The following PRKAR1A variants were observed in gnomAD, a reference collection of about 807,000 sequenced individuals.
The protein encoded by PRKAR1A is protein kinase cAMP-dependent type I regulatory subunit alpha, also known as cAMP-dependent protein kinase type I-alpha regulatory subunit.
PRKAR1A carries 3 observed loss-of-function variants against 52.0 expected under a neutral mutation model. The observed-to-expected ratio is 0.06, with a 90% confidence interval of 0.03 to 0.15. The LOEUF is 0.15. PRKAR1A is among the 10% of genes least tolerant of loss of function. The probability of loss-of-function intolerance (pLI) is 1.00; values close to 1 mark genes in which losing one functional copy is unlikely to be tolerated. For missense variants in PRKAR1A, 240 were observed against 477.4 expected (o/e 0.50, Z 4.63); for synonymous variants, 188 against 168.4 (o/e 1.12, Z -0.90).
chr17:68,522,746 T>C lies in PRKAR1A; in HGVS notation c.178-10T>C. ...AGGATCTCATTTTGCAAACTCGTAA[T>C]TTCTTTCAGGAGGAGGCAAAACAGA... On this transcript the variant is annotated splice_polypyrimidine_tract_variant and intron_variant, in intron 2 of 10. Coordinates refer to ENST00000589228, the MANE Select transcript of PRKAR1A (RefSeq NM_002734.5). 1 of 1,614,030 alleles carries C rather than the reference T, an allele frequency of 6.2e-7. No homozygotes were observed. Among genetic ancestry groups the C allele is most frequent in the East Asian group, 2.2e-5 (1 of 44,882 alleles).
At chr17:68,435,565 C>T in the PRKAR1A span, 142 of 1,550,828 alleles carry the variant, frequency 9.2e-5, no homozygotes, top group African/African-American at 1.4e-3. Flanking sequence ...TCCCTGCGCA[C>T]GGCAGGAGCC....
At chr17:68,434,291 T>G in the PRKAR1A span, among the ~76,000 whole-genome samples, 5 of 152,172 alleles carry the variant, frequency 3.3e-5, no homozygotes, top group Non-Finnish European at 5.9e-5. Context: ...ACTCCCTGGC[T>G]CTCTCATTTC....
chr17:68,489,847 C>T, the PRKAR1A span, among the ~76,000 whole-genome samples: 2 of 152,174 alleles, frequency 1.3e-5, no homozygotes, highest in African/African-American at 2.4e-5. Flanking sequence ...TGAGGCACCA[C>T]GCCTGGCTGG....
the PRKAR1A span, among the ~76,000 whole-genome samples, chr17:68,426,733 C>T: frequency 6.6e-6 from 1 of 152,102 alleles, no homozygotes; most frequent in Non-Finnish European, 1.5e-5. Flanking sequence ...TGGGGTTTCA[C>T]CATGTTGGCT....
the PRKAR1A span, chr17:68,413,985 C>T: frequency 2.3e-4 from 36 of 155,090 alleles, 1 homozygote; most frequent in Non-Finnish European, 4.7e-4. Flanking sequence ...GCGCACGGTG[C>T]GCGCACCCAC....
chr17:68,454,436 A>C, the PRKAR1A span, among the ~76,000 whole-genome samples: 1 of 152,298 alleles, frequency 6.6e-6, no homozygotes, highest in South Asian at 2.1e-4. Context: ...CTACCCAGAC[A>C]TTTGTTCTTC....
At chr17:68,536,081 G>C (rs1216557178), downstream of PRKAR1A, 1 of 454,006 alleles carries the variant, frequency 2.2e-6, no homozygotes, top group Non-Finnish European at 4.4e-6. Flanking sequence ...ATTTTAGAGA[G>C]ACACAAAGTC....
chr17:68,431,600 G>C, the PRKAR1A span, among the ~76,000 whole-genome samples: 1 of 148,970 alleles, frequency 6.7e-6, no homozygotes, highest in African/African-American at 2.5e-5. Flanking sequence ...AGATGATATA[G>C]GATGGACTGG....
chr17:68,528,047 A>G (rs2085846944), intron 8 of PRKAR1A, 147 bp downstream of exon 8: 2 of 711,828 alleles, frequency 2.8e-6, no homozygotes, highest in African/African-American at 3.6e-5. Flanking sequence ...CTGACTGTGG[A>G]CATTCACAGT....
chr17:68,472,695 C>T, the PRKAR1A span, among the ~76,000 whole-genome samples: 2 of 152,070 alleles, frequency 1.3e-5, no homozygotes, highest in African/African-American at 4.8e-5. Context: ...CCTGTAATCC[C>T]AGCACTTTGG....
At chr17:68,445,724 C>T in the PRKAR1A span, among the ~76,000 whole-genome samples, 5 of 152,302 alleles carry the variant, frequency 3.3e-5, no homozygotes, top group Middle Eastern at 6.8e-3. Flanking sequence ...TAACGCATAG[C>T]CCAGTACAAG....
chr17:68,538,341 G>T (rs1271170371), downstream of PRKAR1A, among the ~76,000 whole-genome samples: 1 of 152,246 alleles, frequency 6.6e-6, no homozygotes, highest in Admixed American at 6.5e-5. Flanking sequence ...TGCTCTGGAG[G>T]CAGGGAAGGG....
chr17:68,476,921 A>G, the PRKAR1A span, among the ~76,000 whole-genome samples: 3 of 151,922 alleles, frequency 2.0e-5, no homozygotes, highest in Admixed American at 2.0e-4. Context: ...CGGCCTCCCA[A>G]AGTGTTGGGA....
the PRKAR1A span, among the ~76,000 whole-genome samples, chr17:68,425,244 C>T: frequency 4.9e-4 from 75 of 152,234 alleles, no homozygotes; most frequent in Non-Finnish European, 1.6e-4. Flanking sequence ...CACTCTTTCA[C>T]CTAGGCTGGA....
chr17:68,527,988 AT>A (rs2085844603), intron 8 of PRKAR1A, 88 bp downstream of exon 8: 1 of 1,161,024 alleles, frequency 8.6e-7, no homozygotes, highest in South Asian at 1.2e-5. Flanking sequence ...TTCTGAAAGT[AT>A]AATTGCTACT....
chr17:68,416,955 G>A, the PRKAR1A span, among the ~76,000 whole-genome samples: 1 of 152,228 alleles, frequency 6.6e-6, no homozygotes, highest in African/African-American at 2.4e-5. Context: ...CTAACCTCCT[G>A]AATTCTTTTT....
rs1178991395 is a variant in PRKAR1A at position 68,529,854 on chromosome 17, TG to T, written c.892-65del. The T allele has an allele frequency of 2.1e-6, 3 of 1,440,756 alleles. No homozygotes were observed. The African/African-American group carries it at 4.2e-5, about 20-fold the overall frequency. The allele number at this position is 1,440,756 out of a possible 1,614,324, so 89.2% of individuals were successfully genotyped here. A position where few individuals can be genotyped will look rare whatever the true frequency, so the allele number is the denominator to read the frequency against. On this transcript the variant is annotated intron_variant, in intron 9 of 10. Coordinates refer to ENST00000589228, the MANE Select transcript of PRKAR1A (RefSeq NM_002734.5). ...GCAAGGTAGTTAAAATTGCATAGGA[TG>T]TTTAAGGTGCCACCCTGGGTTTGAG...
the PRKAR1A span, chr17:68,422,039 G>GTC: frequency 5.3e-5 from 31 of 587,782 alleles, no homozygotes; most frequent in African/African-American, 5.0e-4. Flanking sequence ...CTATAAAAAT[G>GTC]TCTCTGTGTG....
the PRKAR1A span, among the ~76,000 whole-genome samples, chr17:68,438,045 C>T: frequency 0.022 from 3,300 of 148,382 alleles, 128 homozygotes; most frequent in African/African-American, 0.077. Context: ...AACTTTAGGT[C>T]AGGCTGAAAC....
Sources: gnomAD v4.1 joint callset for allele counts (sites outside exome capture counted in the v4.1 genomes callset) on GRCh38, gnomAD v4.1.1 for gene constraint, MANE v1.5 for transcripts, NCBI Gene and HGNC (gene_info 2026-07-23, HGNC 2026-07-21) for gene names.